Variants in ANKRD18A observed in about 807,000 individuals in gnomAD.
ANKRD18A encodes ankyrin repeat domain-containing protein 18A.
A neutral mutation model predicts 110.6 loss-of-function variants in ANKRD18A; 72 were observed. The ratio of observed to expected loss-of-function variants is 0.65; its 90% CI spans 0.54 to 0.79. The LOEUF is 0.79. Ranked by LOEUF, ANKRD18A falls within the 30% of genes least tolerant of loss-of-function variation. The probability of loss-of-function intolerance (pLI) is 0.00; values close to 1 mark genes in which losing one functional copy is unlikely to be tolerated. For missense variants in ANKRD18A, 934 were observed against 1,163.3 expected (o/e 0.80, Z 2.87); for synonymous variants, 305 against 410.3 (o/e 0.74, Z 3.10).
intron 2 of ANKRD18A, 53 bp from the exon 3 acceptor site, chr9:38,615,820 A>G (rs1563979567): frequency 3.2e-6 from 5 of 1,564,866 alleles, no homozygotes; most frequent in African/African-American, 1.4e-5. Flanking sequence ...TTCAAAATAC[A>G]TATTCCACAG....
At chr9:38,612,884 C>T in intron 3 of ANKRD18A, among the ~76,000 whole-genome samples, 1 of 151,808 alleles carries the variant, frequency 6.6e-6, no homozygotes, top group South Asian at 2.1e-4. Flanking sequence ...CATAATCTAT[C>T]CACTTCTCAG....
Position 38,620,395 on chromosome 9 carries a change from TCC to T in ANKRD18A, c.-112_-111del. Reference sequence around the variant, plus strand: ...CCGCGATCTCCCCCGCAACCCGCGATCCCCCCCGCAACCCGCGATCCACCCCC... The same window carrying T: ...CCGCGATCTCCCCCGCAACCCGCGATCCCCCGCAACCCGCGATCCACCCCC... On this transcript the variant is annotated 5_prime_UTR_variant, in exon 1 of 16. Transcript: ENST00000399703. The T allele has an allele frequency of 1.1e-6, 1 of 909,764 alleles. No homozygotes were observed. Among genetic ancestry groups the T allele is most frequent in the Non-Finnish European group, 1.5e-6 (1 of 672,436 alleles). The allele number at this position is 909,764 out of a possible 1,614,324, so 56.4% of individuals were successfully genotyped here.
chr9:38,607,660 T>A (rs1014255839), intron 5 of ANKRD18A, among the ~76,000 whole-genome samples, 167 bp from the exon 6 acceptor site: 5 of 152,194 alleles, frequency 3.3e-5, no homozygotes, highest in Admixed American at 3.3e-4. Context: ...ATTAAGCTTC[T>A]AATTGAACAA....
chr9:38,575,918 A>C (rs1823874135), intron 14 of ANKRD18A, among the ~76,000 whole-genome samples: 1 of 152,210 alleles, frequency 6.6e-6, no homozygotes. Flanking sequence ...TCTACTGAAC[A>C]AGCAGTTCAA....
chr9:38,569,927 A>G (rs1350856176), downstream of ANKRD18A, among the ~76,000 whole-genome samples: 1 of 152,150 alleles, frequency 6.6e-6, no homozygotes, highest in Non-Finnish European at 1.5e-5. Flanking sequence ...GAGGTCTGCC[A>G]AGCAGTGCTG....
Position 38,581,571 on chromosome 9 carries a change from GAAATAAGGAGA to G in ANKRD18A, c.2248-3434_2248-3424del, listed in dbSNP as rs540008384. Among the ~76,000 whole-genome samples, 83 of 152,024 alleles carry G rather than the reference GAAATAAGGAGA, an allele frequency of 5.5e-4. 1 individual carries two copies. The East Asian group carries it at 0.015, about 27-fold the overall frequency. ...TTTCATTTTCCTTTTTCTCAATGAG[GAAATAAGGAGA>G]AAATTATGGAATGACTTTTACTCTT... On this transcript the variant is annotated intron_variant, in intron 12 of 15. Coordinates refer to ENST00000399703, the MANE Select transcript of ANKRD18A (RefSeq NM_147195.4).
At chr9:38,596,522 T>C (rs1824889952) in intron 8 of ANKRD18A, 119 bp from the exon 9 acceptor site, 2 of 913,580 alleles carry the variant, frequency 2.2e-6, no homozygotes, top group Non-Finnish European at 3.0e-6. Context: ...TAAGTGGATA[T>C]CCAACTGGAG....
At chr9:38,575,372 T>A in intron 15 of ANKRD18A, 104 bp downstream of exon 15, 1 of 1,211,344 alleles carries the variant, frequency 8.3e-7, no homozygotes, top group Non-Finnish European at 1.1e-6. Context: ...TTATAATCTT[T>A]ACTTAACATG....
rs1404220768 is a variant in ANKRD18A at position 38,596,227 on chromosome 9, C to T, written c.1113G>A (p.Lys371=). 2.0e-6 allele frequency: 3 copies of T among 1,535,760 alleles called. No individual in the cohort carries two copies. The highest frequency in any genetic ancestry group is 4.2e-5 in the Admixed American group (2 of 47,578). ...SITEINANFE[K]SVRLNEKMIT... ...TCATTTTTTCATTGAGTCTTACACTCTTTTCAAAGTTAGCATTTATTTCTG... is the reference window on the plus strand; with the variant it reads ...TCATTTTTTCATTGAGTCTTACACTTTTTTCAAAGTTAGCATTTATTTCTG... The change falls in exon 9 of 16, where the codon AAG becomes AAA. Residue 371 remains lysine (K), a synonymous_variant. Coordinates refer to ENST00000399703, the MANE Select transcript of ANKRD18A (RefSeq NM_147195.4).
intron 12 of ANKRD18A, 100 bp from the exon 13 acceptor site, chr9:38,578,248 A>G: frequency 2.6e-6 from 3 of 1,157,834 alleles, no homozygotes; most frequent in Non-Finnish European, 3.6e-6. Context: ...TTGAAATAAA[A>G]TGTTATCTAT....
intron 1 of ANKRD18A, 30 bp from the exon 2 acceptor site, chr9:38,616,074 TGTA>T: frequency 6.7e-7 from 1 of 1,487,398 alleles, no homozygotes; most frequent in East Asian, 2.4e-5. Context: ...TTTCAGGAAA[TGTA>T]GTGCAATATC....
In ANKRD18A at chr9:38,620,255, G is replaced by A; in HGVS notation, c.31C>T (p.Leu11=). MRKLFSFGRR[L]GQALLSSMDQ... is the part of the protein sequence containing the mutation. ...ATGGAGCTCAGGAGCGCCTGGCCCA[G>A]GCGTCTCCCGAAGCTGAAGAGCTTC... The change falls in exon 1 of 16, where the codon CTG becomes TTG. Residue 11 remains leucine, a synonymous_variant. Transcript: ENST00000399703. 1 of 1,551,216 alleles carries A rather than the reference G, an allele frequency of 6.4e-7. No individual in the cohort carries two copies. The highest frequency in any genetic ancestry group is 8.7e-7 in the Non-Finnish European group (1 of 1,146,778).
intron 10 of ANKRD18A, among the ~76,000 whole-genome samples, chr9:38,590,511 CA>C (rs1393203690): frequency 6.6e-6 from 1 of 152,162 alleles, no homozygotes; most frequent in Non-Finnish European, 1.5e-5. Flanking sequence ...CTCAGCCTCC[CA>C]AAGTGTTGGG....
In ANKRD18A at chr9:38,573,273, C is replaced by A. The variant is rs114723560; in HGVS notation, c.2965-1214G>T. 1,219 of 407,994 alleles carry A rather than the reference C, an allele frequency of 3.0e-3. 16 individuals are homozygous for A. Among genetic ancestry groups the A allele is most frequent in the African/African-American group, 0.021 (1,040 of 48,574 alleles). The allele number at this position is 407,994 out of a possible 1,614,324, so 25.3% of individuals were successfully genotyped here. ...GTTTGCTTAAATAGAAAATTAATCA[C>A]ATTAAGTAAAGTAAAATTTCTACTT... On this transcript the variant is annotated intron_variant, in intron 15 of 15. Coordinates refer to ENST00000399703, the MANE Select transcript of ANKRD18A (RefSeq NM_147195.4).
rs768161426 is a variant in ANKRD18A, at chr9:38,577,297, C to T, written c.2530-33G>A. The T allele has an allele frequency of 2.2e-5, 33 of 1,499,030 alleles. No homozygotes were observed. In the South Asian group the frequency reaches 4.2e-4, roughly 19 times the overall value. The allele number at this position is 1,499,030 out of a possible 1,614,324, so 92.9% of individuals were successfully genotyped here. A position where few individuals can be genotyped will look rare whatever the true frequency, so the allele number is the denominator to read the frequency against. On this transcript the variant is annotated intron_variant, in intron 13 of 15. Coordinates refer to ENST00000399703, the MANE Select transcript of ANKRD18A (RefSeq NM_147195.4). ...AAATGAAAAGAATACACTTTTAAAA[C>T]AATTATAAGTTAATTACCATAGGTT...
chr9:38,611,170 C>G (rs1210738261), intron 4 of ANKRD18A, 45 bp downstream of exon 4: 1 of 1,517,546 alleles, frequency 6.6e-7, no homozygotes. Context: ...CTAGAACACT[C>G]AGGTTTTTAG....
chr9:38,585,026 C>A (rs1824321951), intron 12 of ANKRD18A, among the ~76,000 whole-genome samples: 1 of 152,128 alleles, frequency 6.6e-6, no homozygotes, highest in South Asian at 2.1e-4. Context: ...GTTGCAGGGC[C>A]AAGAGATTGA....
chr9:38,586,045 C>G (rs1224154227), intron 12 of ANKRD18A, 138 bp downstream of exon 12: 1 of 949,770 alleles, frequency 1.1e-6, no homozygotes, highest in Non-Finnish European at 1.5e-6. Flanking sequence ...TAGCTAATGC[C>G]TACGGGGCTT....
At position 38,576,585 on chromosome 9, in the gene ANKRD18A, C is replaced by T. The variant is rs140685779; in HGVS notation, c.2741+468G>A. On this transcript the variant is annotated intron_variant, in intron 14 of 15. Transcript: ENST00000399703. ...CTTGAGGCACCCTCTAGTGATAATACCAAAGATCACAATCAAAAACAGTCC... is the reference window on the plus strand; with the variant it reads ...CTTGAGGCACCCTCTAGTGATAATATCAAAGATCACAATCAAAAACAGTCC... Among the ~76,000 whole-genome samples, 687 of 152,248 alleles carry T rather than the reference C, an allele frequency of 4.5e-3. 9 individuals carry two copies. The highest frequency in any genetic ancestry group is 0.016 in the African/African-American group (645 of 41,522).
Sources: allele counts gnomAD v4.1 joint callset (sites outside exome capture counted in the v4.1 genomes callset), GRCh38; gene constraint gnomAD v4.1.1; transcripts MANE v1.5; gene names NCBI Gene and HGNC (gene_info 2026-07-23, HGNC 2026-07-21).